Variants in SLC22A9 observed in about 807,000 individuals in gnomAD.
The protein encoded by SLC22A9 is solute carrier family 22 member 9, also known as organic anion transporter 7.
Under a neutral mutation model 50.1 loss-of-function variants are expected in SLC22A9, and 64 were observed. The observed-to-expected ratio is 1.28, with a 90% confidence interval of 1.04 to 1.57. The LOEUF is 1.57. Ranked by LOEUF, SLC22A9 falls within the 40% of genes most tolerant of loss-of-function variation. SLC22A9 has a pLI of 0.00. For missense variants in SLC22A9, 757 were observed against 676.1 expected, an observed-to-expected ratio of 1.12 and a Z score of -1.33; for synonymous variants, 261 against 242.5, an observed-to-expected ratio of 1.08 and a Z score of -0.71.
chr11:63,387,684 C>T (rs1024208627), intron 6 of SLC22A9, among the ~76,000 whole-genome samples: 36 of 151,980 alleles, frequency 2.4e-4, no homozygotes, highest in African/African-American at 8.4e-4. Flanking sequence ...TCTATTTCTG[C>T]GGAAAATGTC....
chr11:63,380,131 G>A (rs1317409717), intron 5 of SLC22A9, among the ~76,000 whole-genome samples: 9 of 151,970 alleles, frequency 5.9e-5, no homozygotes, highest in African/African-American at 9.7e-5. Context: ...TCAAAACCAC[G>A]ATAAGATACC....
intron 4 of SLC22A9, among the ~76,000 whole-genome samples, chr11:63,374,479 C>T (rs2014425586): frequency 6.6e-6 from 1 of 151,992 alleles, no homozygotes. Context: ...ATGAGACATG[C>T]TTATACTAAA....
Position 63,409,898 on chromosome 11 carries a change from G to C in SLC22A9, c.*36G>C, listed in dbSNP as rs545734079. 12 of 1,608,344 alleles carry C rather than the reference G, an allele frequency of 7.5e-6. No homozygotes were observed. In the South Asian group the frequency reaches 1.2e-4, roughly 16 times the overall value. ...GAGCTGACTGCCGATCAATGAGCCA[G>C]ATGAAGGGAACAATCAGGACTATTC... On this transcript the variant is annotated 3_prime_UTR_variant, in exon 10 of 10. Transcript: ENST00000279178.
chr11:63,387,625 G>A (rs190023839), intron 6 of SLC22A9, among the ~76,000 whole-genome samples: 13 of 152,066 alleles, frequency 8.5e-5, no homozygotes, highest in African/African-American at 2.4e-4. Context: ...AGATAGTTTC[G>A]ACTATTCTTG....
Position 63,409,804 on chromosome 11 carries a change from G to A in SLC22A9, c.1604G>A (p.Arg535Lys), listed in dbSNP as rs186905562. The change falls in exon 10 of 10, where the codon AGA (arginine) becomes AAA (lysine). Residue 535 changes from arginine to lysine, a missense_variant and splice_region_variant. Transcript: ENST00000279178. ...TGGTTTCTTTGTATTTGTTCTAGGAGAAAAGACCCCAGAGAACCAAAGCAA... is the reference window on the plus strand; with the variant it reads ...TGGTTTCTTTGTATTTGTTCTAGGAAAAAAGACCCCAGAGAACCAAAGCAA... ...FDTIQDEKNE[R>K]KDPREPKQED... The A allele has an allele frequency of 6.2e-7, 1 of 1,613,386 alleles. No homozygotes were observed. The highest frequency in any genetic ancestry group is 2.2e-5 in the East Asian group (1 of 44,770).
At position 63,379,872 on chromosome 11, in the gene SLC22A9, C is replaced by T. The variant is rs73483782; in HGVS notation, c.955-2287C>T. On this transcript the variant is annotated intron_variant, in intron 5 of 9. Transcript: ENST00000279178. ...TCAGCCTTCTGAAGAGCTGGGATTACAGGCTTGAGACATCATACCTGACTA... is the reference window on the plus strand; with the variant it reads ...TCAGCCTTCTGAAGAGCTGGGATTATAGGCTTGAGACATCATACCTGACTA... 1.1e-3 allele frequency among the ~76,000 whole-genome samples: 164 copies of T among 152,258 alleles called. 1 individual carries two copies. Among genetic ancestry groups the T allele is most frequent in the African/African-American group, 3.7e-3 (155 of 41,552 alleles).
chr11:63,384,155 G>T (rs1238529533), intron 6 of SLC22A9, among the ~76,000 whole-genome samples: 1 of 152,130 alleles, frequency 6.6e-6, no homozygotes, highest in Non-Finnish European at 1.5e-5. Flanking sequence ...CAATGACTGT[G>T]CTGGGGTGCA....
At position 63,369,949 on chromosome 11, in the gene SLC22A9, G is replaced by A; in HGVS notation, c.-108G>A. On this transcript the variant is annotated 5_prime_UTR_variant, in exon 1 of 10. Coordinates refer to ENST00000279178, the MANE Select transcript of SLC22A9 (RefSeq NM_080866.3). ...GTCGTCAAGAAGAGAGTGGGGTCAG[G>A]ATCAAAACACATTTAGTGTGACTTA... 2 of 1,142,876 alleles carry A rather than the reference G, an allele frequency of 1.7e-6. No homozygotes were observed. The highest frequency in any genetic ancestry group is 4.9e-5 in the East Asian group (2 of 41,194). 70.8% of individuals were successfully genotyped at this position (1,142,876 alleles called of 1,614,324 possible). A position where few individuals can be genotyped will look rare whatever the true frequency, so the allele number is the denominator to read the frequency against.
In SLC22A9 at chr11:63,409,916, G is replaced by A. The variant is rs1027660661; in HGVS notation, c.*54G>A. 20 of 1,593,372 alleles carry A rather than the reference G, an allele frequency of 1.3e-5. No homozygotes were observed. The highest frequency in any genetic ancestry group is 1.7e-5 in the Admixed American group (1 of 59,734). On this transcript the variant is annotated 3_prime_UTR_variant, in exon 10 of 10. Transcript: ENST00000279178. Reference sequence around the variant, plus strand: ...TGAGCCAGATGAAGGGAACAATCAGGACTATTCCTAGACACTAGCAAAATC... The same window carrying A: ...TGAGCCAGATGAAGGGAACAATCAGAACTATTCCTAGACACTAGCAAAATC...
intron 6 of SLC22A9, among the ~76,000 whole-genome samples, chr11:63,396,069 C>A (rs2014850207): frequency 6.6e-6 from 1 of 152,144 alleles, no homozygotes; most frequent in Admixed American, 6.6e-5. Context: ...ACTAACAGCA[C>A]CGAGTCTGTT....
chr11:63,402,236 A>C (rs764783114), intron 6 of SLC22A9, among the ~76,000 whole-genome samples: 1 of 152,010 alleles, frequency 6.6e-6, no homozygotes, highest in Non-Finnish European at 1.5e-5. Flanking sequence ...TGTTTTTAAC[A>C]CTTTTACATC....
At chr11:63,393,054 T>C (rs991859161) in intron 6 of SLC22A9, among the ~76,000 whole-genome samples, 1 of 152,152 alleles carries the variant, frequency 6.6e-6, no homozygotes, top group African/African-American at 2.4e-5. Flanking sequence ...GGGAATCGCA[T>C]TGAATTTGTA....
At chr11:63,397,536 C>T (rs376753858) in intron 6 of SLC22A9, among the ~76,000 whole-genome samples, 2 of 152,110 alleles carry the variant, frequency 1.3e-5, no homozygotes, top group East Asian at 3.9e-4. Flanking sequence ...GAGTCAGAAA[C>T]CTTTGAAATC....
At chr11:63,387,848 T>G (rs1441867978) in intron 6 of SLC22A9, among the ~76,000 whole-genome samples, 4 of 152,114 alleles carry the variant, frequency 2.6e-5, no homozygotes, top group Non-Finnish European at 5.9e-5. Context: ...AAAGTTTTCA[T>G]CAGAGGGTTT....
chr11:63,392,680 C>A (rs978402304), intron 6 of SLC22A9, among the ~76,000 whole-genome samples: 1 of 151,956 alleles, frequency 6.6e-6, no homozygotes, highest in Admixed American at 6.6e-5. Flanking sequence ...GGGAGTCTGA[C>A]TATTAAAGGC....
chr11:63,409,690 C>T (rs1180894014), intron 9 of SLC22A9, 112 bp from the exon 10 acceptor site: 1 of 1,124,260 alleles, frequency 8.9e-7, no homozygotes, highest in East Asian at 2.7e-5. Context: ...ATGGTTTTTA[C>T]CAAACTAATG....
intron 6 of SLC22A9, among the ~76,000 whole-genome samples, chr11:63,390,942 G>T (rs1219882065): frequency 1.3e-5 from 2 of 151,776 alleles, no homozygotes; most frequent in African/African-American, 4.8e-5. Flanking sequence ...CTATTTTTTT[G>T]ATGTAGACAC....
At chr11:63,371,045 T>G in intron 1 of SLC22A9, 90 bp from the exon 2 acceptor site, 1 of 901,470 alleles carries the variant, frequency 1.1e-6, no homozygotes, top group Non-Finnish European at 1.7e-6. Flanking sequence ...AGACTTAATA[T>G]TAGGAAACTT....
chr11:63,400,237 AAAAT>A (rs2014930311), intron 6 of SLC22A9, among the ~76,000 whole-genome samples: 1 of 152,054 alleles, frequency 6.6e-6, no homozygotes, highest in African/African-American at 2.4e-5. Context: ...TGTTTTGTGA[AAAAT>A]AAACAACATC....
Sources: allele counts gnomAD v4.1 joint callset (sites outside exome capture counted in the v4.1 genomes callset), GRCh38; gene constraint gnomAD v4.1.1; transcripts MANE v1.5; gene names NCBI Gene and HGNC (gene_info 2026-07-23, HGNC 2026-07-21).